The following C3orf49 variants were observed in gnomAD, a reference collection of about 807,000 sequenced individuals.
C3orf49 encodes the protein putative uncharacterized protein C3orf49.
In C3orf49, 27 loss-of-function variants were observed where a neutral mutation model predicts 13.3. That is an observed-to-expected ratio of 2.02 (90% confidence interval 1.49 to 2.79). The LOEUF (loss-of-function observed/expected upper bound fraction) is 2.79. C3orf49 is among the 30% of genes most tolerant of loss of function. C3orf49 has a pLI of 0.00. For synonymous variants in C3orf49, 87 were observed against 47.6 expected (o/e 1.83, Z -3.40); for missense variants, 242 against 134.2 (o/e 1.80, Z -3.97).
chr3:63,804,895 T>G, the C3orf49 span: 1 of 152,184 alleles, frequency 6.6e-6, no homozygotes, highest in South Asian at 2.1e-4. Flanking sequence ...TAAGGATTTT[T>G]AGAGTGTTTG....
intron 5 of C3orf49, among the ~76,000 whole-genome samples, chr3:63,837,552 T>A (rs1360607674): frequency 6.6e-6 from 1 of 151,948 alleles, no homozygotes; most frequent in Non-Finnish European, 1.5e-5. Flanking sequence ...AAACTCAGAG[T>A]TTAAATTCTT....
chr3:63,809,100 A>G, the C3orf49 span, among the ~76,000 whole-genome samples: 2 of 152,234 alleles, frequency 1.3e-5, no homozygotes, highest in African/African-American at 4.8e-5. Flanking sequence ...TCAAAAAATT[A>G]TCTTCTACTT....
chr3:63,847,089 T>C (rs1339439039), intron 6 of C3orf49, among the ~76,000 whole-genome samples: 1 of 152,062 alleles, frequency 6.6e-6, no homozygotes, highest in East Asian at 1.9e-4. Flanking sequence ...CGTAGGCGAA[T>C]AGGAAGTACC....
chr3:63,787,103 G>C, the C3orf49 span: 1 of 152,204 alleles, frequency 6.6e-6, no homozygotes, highest in African/African-American at 2.4e-5. Flanking sequence ...GGAGAAATGA[G>C]TGACCTTTTA....
At chr3:63,781,841 T>C in the C3orf49 span, among the ~76,000 whole-genome samples, 1 of 152,172 alleles carries the variant, frequency 6.6e-6, no homozygotes, top group Non-Finnish European at 1.5e-5. Flanking sequence ...ATTTTTTAAG[T>C]GTTGTTGCAT....
the C3orf49 span, among the ~76,000 whole-genome samples, chr3:63,794,732 T>C: frequency 6.6e-6 from 1 of 152,140 alleles, no homozygotes; most frequent in Admixed American, 6.6e-5. Flanking sequence ...CAGTGATTGG[T>C]GATCTCAGTT....
At chr3:63,847,718 C>CA in intron 6 of C3orf49, among the ~76,000 whole-genome samples, 1 of 152,066 alleles carries the variant, frequency 6.6e-6, no homozygotes, top group South Asian at 2.1e-4. Context: ...GTCTGGGCAA[C>CA]AGAGTGAGAC....
chr3:63,837,551 G>C (rs1701660181), intron 5 of C3orf49, among the ~76,000 whole-genome samples: 1 of 151,856 alleles, frequency 6.6e-6, no homozygotes, highest in Admixed American at 6.6e-5. Flanking sequence ...AAAACTCAGA[G>C]TTTAAATTCT....
chr3:63,823,651 T>C, intron 2 of C3orf49, 82 bp downstream of exon 2: 1 of 623,024 alleles, frequency 1.6e-6, no homozygotes. Context: ...GCTACACCAG[T>C]ATGGCATCCC....
intron 1 of C3orf49, among the ~76,000 whole-genome samples, chr3:63,822,659 A>C (rs565958709): frequency 7.2e-5 from 11 of 152,362 alleles, no homozygotes; most frequent in Non-Finnish European, 1.5e-4. Flanking sequence ...ATTGTGTATA[A>C]TAAAATATGC....
chr3:63,840,823 C>A (rs1188625055), intron 5 of C3orf49, among the ~76,000 whole-genome samples: 16 of 152,182 alleles, frequency 1.1e-4, no homozygotes, highest in Non-Finnish European at 2.1e-4. Flanking sequence ...GAAAACTGCA[C>A]TTTTATACAC....
chr3:63,839,589 GACCTTAAT>G, intron 5 of C3orf49: 2 of 1,319,244 alleles, frequency 1.5e-6, no homozygotes, highest in Non-Finnish European at 2.2e-6. Context: ...CTACTCACAG[GACCTTAAT>G]ATAGGGCCTA....
chr3:63,797,933 A>G, the C3orf49 span, among the ~76,000 whole-genome samples: 1 of 152,148 alleles, frequency 6.6e-6, no homozygotes, highest in African/African-American at 2.4e-5. Context: ...AGCAATTACT[A>G]TGGAATTTCA....
intron 5 of C3orf49, among the ~76,000 whole-genome samples, chr3:63,837,386 C>A (rs1322240663): frequency 6.6e-6 from 1 of 151,750 alleles, no homozygotes; most frequent in Admixed American, 6.6e-5. Context: ...AAGAGCAGTG[C>A]CTCTAACATT....
intron 5 of C3orf49, among the ~76,000 whole-genome samples, chr3:63,835,791 A>G (rs930504720): frequency 1.3e-5 from 2 of 151,788 alleles, no homozygotes; most frequent in African/African-American, 4.8e-5. Flanking sequence ...TATCTCCTCT[A>G]CCTCCCACTC....
intron 5 of C3orf49, among the ~76,000 whole-genome samples, chr3:63,833,221 TGA>T (rs1397163542): frequency 6.6e-6 from 1 of 151,926 alleles, no homozygotes; most frequent in Non-Finnish European, 1.5e-5. Context: ...CTCAGCCTCC[TGA>T]GTAGCTGGGA....
chr3:63,812,311 C>A, the C3orf49 span, among the ~76,000 whole-genome samples: 1 of 152,070 alleles, frequency 6.6e-6, no homozygotes, highest in South Asian at 2.1e-4. Context: ...ACAAAAAAAT[C>A]TCATAATGTT....
chr3:63,820,336 G>A (rs773510879), intron 1 of C3orf49, among the ~76,000 whole-genome samples: 8 of 152,090 alleles, frequency 5.3e-5, no homozygotes, highest in Non-Finnish European at 8.8e-5. Flanking sequence ...TAGGCACTCC[G>A]GGGGAAGCAA....
chr3:63,830,523 A>G (rs987994502), intron 3 of C3orf49, among the ~76,000 whole-genome samples: 9 of 152,176 alleles, frequency 5.9e-5, no homozygotes, highest in African/African-American at 1.9e-4. Flanking sequence ...CAGTAAGACT[A>G]AAAAGGGCAT....
Sources: allele counts gnomAD v4.1 joint callset (sites outside exome capture counted in the v4.1 genomes callset), GRCh38; gene constraint gnomAD v4.1.1; transcripts MANE v1.5; gene names NCBI Gene and HGNC (gene_info 2026-07-23, HGNC 2026-07-21).